Variants in ADK observed in about 807,000 individuals in gnomAD.
ADK encodes adenosine kinase.
In ADK, 24 loss-of-function variants were observed where a neutral mutation model predicts 44.7. That is an observed-to-expected ratio of 0.54 (90% CI 0.39 to 0.76). The LOEUF is 0.76. ADK is among the 30% of genes least tolerant of loss of function. The pLI is 0.00. For synonymous variants in ADK, 128 were observed against 142.6 expected, an observed-to-expected ratio of 0.90 and a Z score of 0.73; for missense variants, 321 against 425.1, an observed-to-expected ratio of 0.76 and a Z score of 2.15.
At chr10:74,570,852 C>A (rs1429592582) in intron 7 of ADK, among the ~76,000 whole-genome samples, 1 of 152,116 alleles carries the variant, frequency 6.6e-6, no homozygotes, top group Non-Finnish European at 1.5e-5. Context: ...GAGAGGGCAT[C>A]CCTGTCTTGT....
At chr10:74,382,742 G>A (rs570253956) in intron 4 of ADK, among the ~76,000 whole-genome samples, 7 of 152,028 alleles carry the variant, frequency 4.6e-5, no homozygotes, top group African/African-American at 1.7e-4. Flanking sequence ...TTAATTTGAT[G>A]AATTTGACTC....
At chr10:74,353,570 T>TAAA (rs36030657) in intron 4 of ADK, among the ~76,000 whole-genome samples, 3 of 135,434 alleles carry the variant, frequency 2.2e-5, no homozygotes, top group Non-Finnish European at 3.1e-5. Context: ...AACTTAAAGT[T>TAAA]AAAAAAAAAA....
At chr10:74,546,502 C>T (rs1330319571) in intron 7 of ADK, among the ~76,000 whole-genome samples, 1 of 151,958 alleles carries the variant, frequency 6.6e-6, no homozygotes, top group Non-Finnish European at 1.5e-5. Context: ...CACGATGTCA[C>T]TGATTTAGTT....
chr10:74,335,460 G>A (rs1841373137), intron 4 of ADK, among the ~76,000 whole-genome samples: 1 of 152,144 alleles, frequency 6.6e-6, no homozygotes, highest in African/African-American at 2.4e-5. Flanking sequence ...TAATGGCTGA[G>A]TAGTTTTCTA....
chr10:74,608,448 T>G (rs904316037), intron 9 of ADK, among the ~76,000 whole-genome samples: 1 of 152,140 alleles, frequency 6.6e-6, no homozygotes, highest in Non-Finnish European at 1.5e-5. Context: ...ATGTTGGTGC[T>G]ATTCCTTTCT....
At chr10:74,516,528 CTTTT>C (rs58022347) in intron 6 of ADK, among the ~76,000 whole-genome samples, 1 of 138,926 alleles carries the variant, frequency 7.2e-6, no homozygotes. Context: ...CTTTTCTTTT[CTTTT>C]TTTTTTTTTG....
At chr10:74,451,255 C>T (rs1160767212) in intron 6 of ADK, among the ~76,000 whole-genome samples, 1 of 150,288 alleles carries the variant, frequency 6.7e-6, no homozygotes, top group Non-Finnish European at 1.5e-5. Context: ...AGTATTCTGC[C>T]CTGATTGCTT....
intron 7 of ADK, among the ~76,000 whole-genome samples, chr10:74,581,069 T>C (rs769834280): frequency 6.6e-6 from 1 of 151,022 alleles, no homozygotes; most frequent in Non-Finnish European, 1.5e-5. Flanking sequence ...TATATAACCA[T>C]TCATGCGAAG....
chr10:74,188,280 A>G (rs1410573122), intron 1 of ADK, among the ~76,000 whole-genome samples: 1 of 149,824 alleles, frequency 6.7e-6, no homozygotes, highest in African/African-American at 2.5e-5. Flanking sequence ...GGGTTTAGCA[A>G]TTAATCTTTT....
At chr10:74,588,564 T>G (rs1219610812) in intron 7 of ADK, among the ~76,000 whole-genome samples, 2 of 152,218 alleles carry the variant, frequency 1.3e-5, no homozygotes, top group Non-Finnish European at 2.9e-5. Context: ...TAATTCATAT[T>G]AAAGTATTTA....
intron 6 of ADK, among the ~76,000 whole-genome samples, chr10:74,485,549 G>A (rs978987620): frequency 2.0e-5 from 3 of 151,924 alleles, no homozygotes; most frequent in African/African-American, 7.3e-5. Flanking sequence ...AATCCACAAT[G>A]AGGTATCATT....
chr10:74,411,350 G>A (rs891955470), intron 6 of ADK, among the ~76,000 whole-genome samples: 24 of 152,072 alleles, frequency 1.6e-4, no homozygotes, highest in Admixed American at 1.4e-3. Flanking sequence ...GTCACTTCAA[G>A]TAAAGCCCAA....
chr10:74,640,354 A>G (rs537961967), intron 9 of ADK, among the ~76,000 whole-genome samples: 101 of 152,360 alleles, frequency 6.6e-4, no homozygotes, highest in African/African-American at 2.4e-3. Flanking sequence ...TGCCAACACC[A>G]TATGTGGCTT....
intron 7 of ADK, among the ~76,000 whole-genome samples, chr10:74,547,233 G>A (rs1452341395): frequency 2.6e-5 from 4 of 151,808 alleles, no homozygotes; most frequent in African/African-American, 4.8e-5. Flanking sequence ...TCCCAAGAAT[G>A]TTCTTTCTAG....
chr10:74,543,236 G>T (rs1439527574), intron 7 of ADK, among the ~76,000 whole-genome samples: 3 of 151,810 alleles, frequency 2.0e-5, no homozygotes, highest in South Asian at 4.2e-4. Context: ...CTGAGACAGG[G>T]TCTCACTGTG....
At chr10:74,612,059 C>T (rs1852569385) in intron 9 of ADK, among the ~76,000 whole-genome samples, 2 of 152,112 alleles carry the variant, frequency 1.3e-5, no homozygotes, top group African/African-American at 4.8e-5. Context: ...AAACTGCTTT[C>T]CACAGGGGCC....
chr10:74,325,968 T>A (rs2131834202), intron 4 of ADK, among the ~76,000 whole-genome samples: 1 of 152,190 alleles, frequency 6.6e-6, no homozygotes, highest in East Asian at 1.9e-4. Context: ...CCCTAGTAGC[T>A]GGGATTACAG....
intron 10 of ADK, among the ~76,000 whole-genome samples, chr10:74,678,085 G>C (rs189362498): frequency 6.7e-6 from 1 of 148,250 alleles, no homozygotes; most frequent in African/African-American, 2.5e-5. Flanking sequence ...AGGCTGCAGT[G>C]AGCTGAGGTC....
chr10:74,379,253 G>T (rs887252401), intron 4 of ADK, among the ~76,000 whole-genome samples: 19 of 152,204 alleles, frequency 1.2e-4, no homozygotes, highest in Admixed American at 3.9e-4. Context: ...TAGGCAAGCA[G>T]TTATGGTAAC....
Sources: gnomAD v4.1 joint callset for allele counts (sites outside exome capture counted in the v4.1 genomes callset) on GRCh38, gnomAD v4.1.1 for gene constraint, MANE v1.5 for transcripts, NCBI Gene and HGNC (gene_info 2026-07-23, HGNC 2026-07-21) for gene names.